Variants in BBX observed in about 807,000 individuals in gnomAD.
BBX encodes the protein HMG box transcription factor BBX.
In BBX, 30 loss-of-function variants were observed where a neutral mutation model predicts 100.2. The observed-to-expected ratio is 0.30, with a 90% CI of 0.22 to 0.41. The LOEUF (loss-of-function observed/expected upper bound fraction) is 0.41, where lower values mean the gene tolerates loss of function less well. Ranked by LOEUF, BBX falls within the 10% of genes least tolerant of loss-of-function variation. The probability of loss-of-function intolerance (pLI) is 1.00; values close to 1 mark genes in which losing one functional copy is unlikely to be tolerated. For missense variants in BBX, 1,023 were observed against 1,129.8 expected (o/e 0.91, Z 1.35); for synonymous variants, 376 against 388.1 (o/e 0.97, Z 0.37).
intron 3 of BBX, among the ~76,000 whole-genome samples, chr3:107,663,811 C>CT (rs35847055): frequency 0.033 from 4,701 of 140,352 alleles, 95 homozygotes; most frequent in Middle Eastern, 0.052. Context: ...CTTTTTTTTC[C>CT]TTTTTTTTTT....
At chr3:107,607,718 A>G (rs775352137) in intron 2 of BBX, among the ~76,000 whole-genome samples, 1 of 152,062 alleles carries the variant, frequency 6.6e-6, no homozygotes, top group Non-Finnish European at 1.5e-5. Context: ...CCTTGCCAGC[A>G]TTTGCTGTTG....
At chr3:107,525,930 C>CT (rs1157644937) in intron 1 of BBX, among the ~76,000 whole-genome samples, 14 of 152,340 alleles carry the variant, frequency 9.2e-5, no homozygotes, top group African/African-American at 3.4e-4. Context: ...CTCGGGCTGC[C>CT]TATCGATCCC....
rs1256783294 is a variant in BBX, at chr3:107,779,014, TATATATACACAC to T, written c.2203+497_2203+508del. 1.8e-3 allele frequency among the ~76,000 whole-genome samples: 132 copies of T among 72,486 alleles called. 11 individuals are homozygous for T. Among genetic ancestry groups the T allele is most frequent in the African/African-American group, 5.4e-3 (127 of 23,580 alleles). 47.6% of individuals were successfully genotyped at this position (72,486 alleles called of 152,430 possible). ...AGCAACATATATATATATATATATA[TATATATACACAC>T]ACACACACACATATACATTGGTTTT... On this transcript the variant is annotated intron_variant, in intron 13 of 17. Coordinates refer to ENST00000325805, the MANE Select transcript of BBX (RefSeq NM_001142568.3).
chr3:107,572,666 A>G lies in BBX; in HGVS notation c.-84+46268A>G, dbSNP rs2051457641. 4.6e-5 allele frequency among the ~76,000 whole-genome samples: 7 copies of G among 152,340 alleles called. No individual in the cohort carries two copies. The South Asian group carries it at 1.4e-3, about 32-fold the overall frequency. Reference sequence around the variant, plus strand: ...AACAGGCTGATTTTAAAAGTAACATATAAATTATCAACCCTCAAATAAAAA... The same window carrying G: ...AACAGGCTGATTTTAAAAGTAACATGTAAATTATCAACCCTCAAATAAAAA... On this transcript the variant is annotated intron_variant, in intron 2 of 17. Coordinates refer to ENST00000325805, the MANE Select transcript of BBX (RefSeq NM_001142568.3).
chr3:107,756,311 C>T (rs2065471664), intron 10 of BBX, among the ~76,000 whole-genome samples: 1 of 152,132 alleles, frequency 6.6e-6, no homozygotes, highest in Non-Finnish European at 1.5e-5. Flanking sequence ...CAGGCTGTGA[C>T]TACCCTACCT....
chr3:107,678,230 GC>G (rs921163899), intron 3 of BBX, among the ~76,000 whole-genome samples: 1 of 149,450 alleles, frequency 6.7e-6, no homozygotes, highest in Non-Finnish European at 1.5e-5. Flanking sequence ...TTTATATTTT[GC>G]CCCCCACCCC....
intron 3 of BBX, among the ~76,000 whole-genome samples, chr3:107,680,766 C>G (rs2059531666): frequency 6.6e-6 from 1 of 152,074 alleles, no homozygotes; most frequent in African/African-American, 2.4e-5. Flanking sequence ...TCATGAAGTT[C>G]TTATGGTTTA....
chr3:107,804,804 C>T (rs2070916364), intron 17 of BBX, among the ~76,000 whole-genome samples: 1 of 148,808 alleles, frequency 6.7e-6, no homozygotes, highest in South Asian at 2.1e-4. Flanking sequence ...TTTATTGTTT[C>T]TTCATTCCTT....
intron 2 of BBX, among the ~76,000 whole-genome samples, chr3:107,613,517 A>G (rs145682546): frequency 9.2e-5 from 14 of 152,096 alleles, no homozygotes; most frequent in African/African-American, 3.4e-4. Flanking sequence ...TGAACTATAC[A>G]GAATTGTACA....
intron 5 of BBX, among the ~76,000 whole-genome samples, chr3:107,726,597 C>T (rs1220917222): frequency 2.6e-5 from 4 of 152,046 alleles, no homozygotes; most frequent in Non-Finnish European, 5.9e-5. Flanking sequence ...TAAAACCCCA[C>T]GTATTCCCGG....
At chr3:107,556,051 A>G (rs901060036) in intron 2 of BBX, among the ~76,000 whole-genome samples, 8 of 152,214 alleles carry the variant, frequency 5.3e-5, no homozygotes, top group African/African-American at 1.7e-4. Flanking sequence ...GGGTTGAGAA[A>G]GCCATGTTCT....
intron 2 of BBX, among the ~76,000 whole-genome samples, chr3:107,625,464 A>G (rs2056098377): frequency 6.6e-6 from 1 of 152,116 alleles, no homozygotes; most frequent in Non-Finnish European, 1.5e-5. Flanking sequence ...TTTTATTAAT[A>G]GTAGAGACGG....
chr3:107,787,679 A>G (rs539457959), intron 13 of BBX, among the ~76,000 whole-genome samples: 3 of 152,332 alleles, frequency 2.0e-5, no homozygotes, highest in African/African-American at 7.2e-5. Context: ...AGTTAAAACA[A>G]TAGGTTTGTG....
Position 107,783,566 on chromosome 3 carries a change from C to T in BBX, c.2203+5047C>T, listed in dbSNP as rs548059175. ...ATATCATTCTTCCTATGAGCCAATA[C>T]CCTATTATTAAGTTATTTTCCTACA... On this transcript the variant is annotated intron_variant, in intron 13 of 17. Transcript: ENST00000325805. Among the ~76,000 whole-genome samples the T allele has an allele frequency of 6.6e-5, 10 of 152,056 alleles. No individual in the cohort carries two copies. The South Asian group carries it at 1.0e-3, about 16-fold the overall frequency.
chr3:107,733,289 G>C (rs2063429508), intron 7 of BBX, among the ~76,000 whole-genome samples: 1 of 152,150 alleles, frequency 6.6e-6, no homozygotes, highest in South Asian at 2.1e-4. Context: ...TAGATCACTG[G>C]TGTTTGCATG....
chr3:107,571,958 C>T (rs1484179717), intron 2 of BBX, among the ~76,000 whole-genome samples: 1 of 152,182 alleles, frequency 6.6e-6, no homozygotes, highest in African/African-American at 2.4e-5. Flanking sequence ...AGTGAGGTAC[C>T]ATTGGTGCAA....
intron 4 of BBX, chr3:107,716,334 G>C (rs986602709): frequency 1.5e-5 from 5 of 335,930 alleles, no homozygotes; most frequent in Non-Finnish European, 2.7e-5. Flanking sequence ...TTTAGTGAGA[G>C]AGAAAAAAAT....
intron 3 of BBX, among the ~76,000 whole-genome samples, chr3:107,664,405 A>G (rs1315444096): frequency 6.6e-6 from 1 of 152,198 alleles, no homozygotes; most frequent in Non-Finnish European, 1.5e-5. Context: ...TATGTTCACC[A>G]TATCTTTAGG....
intron 2 of BBX, among the ~76,000 whole-genome samples, chr3:107,621,146 G>C (rs1479588133): frequency 6.6e-6 from 1 of 152,126 alleles, no homozygotes; most frequent in Non-Finnish European, 1.5e-5. Flanking sequence ...CTGTCTAAAA[G>C]TTTTCTGTCT....
Sources: gnomAD v4.1 joint callset for allele counts (sites outside exome capture counted in the v4.1 genomes callset) on GRCh38, gnomAD v4.1.1 for gene constraint, MANE v1.5 for transcripts, NCBI Gene and HGNC (gene_info 2026-07-23, HGNC 2026-07-21) for gene names.